The following SLC19A1 variants were observed in gnomAD, a reference collection of about 807,000 sequenced individuals.
The protein encoded by SLC19A1 is solute carrier family 19 member 1.
A neutral mutation model predicts 35.3 loss-of-function variants in SLC19A1; 37 were observed. The ratio of observed to expected loss-of-function variants is 1.05; its 90% confidence interval spans 0.81 to 1.38. The LOEUF (loss-of-function observed/expected upper bound fraction) is 1.38, where lower values mean the gene tolerates loss of function less well. Ranked by LOEUF, SLC19A1 falls within the 40% of genes most tolerant of loss-of-function variation. The probability of loss-of-function intolerance (pLI) is 0.00; values close to 1 mark genes in which losing one functional copy is unlikely to be tolerated. For missense variants in SLC19A1, 831 were observed against 826.9 expected (o/e 1.00, Z -0.06); for synonymous variants, 460 against 398.5 (o/e 1.15, Z -1.84).
chr21:45,543,375 A>C (rs951051927), upstream of SLC19A1, among the ~76,000 whole-genome samples: 5 of 152,230 alleles, frequency 3.3e-5, no homozygotes, highest in African/African-American at 1.2e-4. Context: ...AGGAGGAGCC[A>C]GGAAGTCCAC....
chr21:45,512,603 G>GACATT lies in SLC19A1; in HGVS notation c.*3050_*3054dup, dbSNP rs1218825388. ...AAGTTTAAAACAGAAGCCTGATGCTGACATTCACCTGCCCCAACTCTCCCC... is the reference window on the plus strand; with the variant it reads ...AAGTTTAAAACAGAAGCCTGATGCTGACATTACATTCACCTGCCCCAACTCTCCCC... On this transcript the variant is annotated 3_prime_UTR_variant, in exon 6 of 6. Transcript: ENST00000311124. 1.6e-6 allele frequency: 1 copy of GACATT among 617,150 alleles called. No homozygotes were observed. The highest frequency in any genetic ancestry group is 2.8e-6 in the Non-Finnish European group (1 of 352,146). 38.2% of individuals were successfully genotyped at this position (617,150 alleles called of 1,614,324 possible).
intron 4 of SLC19A1, among the ~76,000 whole-genome samples, chr21:45,529,544 T>C (rs958026437): frequency 6.6e-6 from 1 of 152,016 alleles, no homozygotes; most frequent in East Asian, 1.9e-4. Flanking sequence ...TGTGTCAGTG[T>C]GTGTGGTCTG....
intron 1 of SLC19A1, among the ~76,000 whole-genome samples, chr21:45,542,155 CT>C (rs2078329352): frequency 1.5e-5 from 2 of 134,418 alleles, no homozygotes; most frequent in Admixed American, 1.4e-4. Flanking sequence ...GCCCCGCACC[CT>C]CCCCAGGGCC....
At chr21:45,511,990 G>A (rs375818547), downstream of SLC19A1, among the ~76,000 whole-genome samples, 3 of 152,148 alleles carry the variant, frequency 2.0e-5, no homozygotes, top group Non-Finnish European at 2.9e-5. Flanking sequence ...AGCAGCATGG[G>A]GGGCAGTCTG....
chr21:45,559,834 C>T (rs996887786), intron 1 of SLC19A1, among the ~76,000 whole-genome samples: 1 of 152,200 alleles, frequency 6.6e-6, no homozygotes, highest in Non-Finnish European at 1.5e-5. Flanking sequence ...GTCAAAATGG[C>T]CCCCAGTGTG....
intron 1 of SLC19A1, among the ~76,000 whole-genome samples, chr21:45,551,901 T>G (rs1055356734): frequency 1.3e-5 from 2 of 152,182 alleles, no homozygotes; most frequent in African/African-American, 4.8e-5. Flanking sequence ...TCCCTGCATG[T>G]CCACGCCTTT....
chr21:45,507,731 C>T (rs1230112055), downstream of SLC19A1: 35 of 826,914 alleles, frequency 4.2e-5, no homozygotes, highest in South Asian at 2.2e-4. Context: ...GCCCCTGCTG[C>T]AGAAACTGGT....
downstream of SLC19A1, among the ~76,000 whole-genome samples, chr21:45,508,424 G>A (rs1037822042): frequency 6.7e-6 from 1 of 149,622 alleles, no homozygotes; most frequent in Admixed American, 6.6e-5. Context: ...GGATGAATGG[G>A]TGGATGGATG....
intron 3 of SLC19A1, chr21:45,506,637 C>T (rs7278425): frequency 0.18 from 31,050 of 169,318 alleles, 2,968 homozygotes; most frequent in African/African-American, 0.22. Context: ...CCCATGCCGC[C>T]GAAACGGCCT....
chr21:45,542,895 G>T (rs761412720), upstream of SLC19A1, among the ~76,000 whole-genome samples: 7 of 152,000 alleles, frequency 4.6e-5, no homozygotes, highest in Non-Finnish European at 8.8e-5. Flanking sequence ...CTGGATCCGG[G>T]ACGCGGGTCG....
Position 45,534,501 on chromosome 21 carries a change from GA to G in SLC19A1, c.190-2354del. On this transcript the variant is annotated intron_variant, in intron 2 of 5. Transcript: ENST00000311124. This position sits in a 1 kb window ranked among gnomAD's most constrained non-coding sequence, Gnocchi z 4.2. Reference sequence around the variant, plus strand: ...TCTCCCCAGACCCCACGGCTCTCTGGAAAAGGGCGGCCAGGGGTCCTAGAAG... The same window carrying G: ...TCTCCCCAGACCCCACGGCTCTCTGGAAAGGGCGGCCAGGGGTCCTAGAAG... The G allele has an allele frequency of 6.7e-7, 1 of 1,484,222 alleles. No individual in the cohort carries two copies. The highest frequency in any genetic ancestry group is 9.1e-7 in the Non-Finnish European group (1 of 1,100,062). 91.9% of individuals were successfully genotyped at this position (1,484,222 alleles called of 1,614,324 possible).
chr21:45,515,601 G>T lies in SLC19A1; in HGVS notation c.*57C>A. The T allele has an allele frequency of 6.2e-7, 1 of 1,605,874 alleles. No homozygotes were observed. The highest frequency in any genetic ancestry group is 8.5e-7 in the Non-Finnish European group (1 of 1,178,524). The stretch of plus-strand genomic sequence containing the variant: ...CTAAGGCAGGCGGCCCTCGAGGCAG[G>T]GGTCGTGGGGATGCACTGAGGGCCG... On this transcript the variant is annotated 3_prime_UTR_variant, in exon 6 of 6. Coordinates refer to ENST00000311124, the MANE Select transcript of SLC19A1 (RefSeq NM_194255.4).
At chr21:45,512,418 G>A, downstream of SLC19A1, 2 of 1,608,942 alleles carry the variant, frequency 1.2e-6, no homozygotes, top group Non-Finnish European at 1.7e-6. Flanking sequence ...GGATGCGGAT[G>A]GCCGGAGAGG....
chr21:45,526,684 G>A (rs776903033), intron 4 of SLC19A1, among the ~76,000 whole-genome samples: 1 of 152,214 alleles, frequency 6.6e-6, no homozygotes, highest in Non-Finnish European at 1.5e-5. Context: ...CAATTCTCCT[G>A]TCTCAGCCTT....
chr21:45,538,223 C>CA (rs1348047067), intron 1 of SLC19A1, among the ~76,000 whole-genome samples: 1 of 152,234 alleles, frequency 6.6e-6, no homozygotes, highest in African/African-American at 2.4e-5. Flanking sequence ...AGGCTGTCAC[C>CA]ACCTCCAGGG....
At chr21:45,518,598 A>T (rs186713785) in intron 5 of SLC19A1, among the ~76,000 whole-genome samples, 32 of 152,324 alleles carry the variant, frequency 2.1e-4, no homozygotes, top group Middle Eastern at 6.8e-3. Flanking sequence ...AATAAAGAAA[A>T]AATCTTGGAA....
chr21:45,512,817 C>A lies in SLC19A1; in HGVS notation c.*2841G>T, dbSNP rs2037689219. 2 of 289,646 alleles carry A rather than the reference C, an allele frequency of 6.9e-6. No individual in the cohort carries two copies. Among genetic ancestry groups the A allele is most frequent in the South Asian group, 6.7e-5 (2 of 29,954 alleles). The allele number at this position is 289,646 out of a possible 1,614,324, so 17.9% of individuals were successfully genotyped here. A position where few individuals can be genotyped will look rare whatever the true frequency, so the allele number is the denominator to read the frequency against. Reference sequence around the variant, plus strand: ...TGTGCACAAAACCCAGACCTGTTAGCAGACAGGCCCCGTGAGGCAATGGGA... The same window carrying A: ...TGTGCACAAAACCCAGACCTGTTAGAAGACAGGCCCCGTGAGGCAATGGGA... On this transcript the variant is annotated 3_prime_UTR_variant, in exon 6 of 6. Transcript: ENST00000311124.
rs760329850 is a variant in SLC19A1 at position 45,504,468 on chromosome 21, C to T, written c.498-5856G>A. 1.9e-6 allele frequency: 3 copies of T among 1,609,458 alleles called. No individual in the cohort carries two copies. In the East Asian group the frequency reaches 6.7e-5, roughly 36 times the overall value. On this transcript the variant is annotated intron_variant, in intron 3 of 4. Coordinates refer to the SLC19A1 transcript ENST00000417954. ...GGACAGAAAGGCGAAAGGGGGGAGCCCGGGGGCGGCGGTTTCTTCGGCTCC... is the reference window on the plus strand; with the variant it reads ...GGACAGAAAGGCGAAAGGGGGGAGCTCGGGGGCGGCGGTTTCTTCGGCTCC...
downstream of SLC19A1, among the ~76,000 whole-genome samples, chr21:45,511,762 G>A (rs1461424902): frequency 6.6e-6 from 1 of 152,210 alleles, no homozygotes; most frequent in African/African-American, 2.4e-5. Context: ...CTGGCCATCT[G>A]CTGTAACGGA....
Sources: gnomAD v4.1 joint callset for allele counts (sites outside exome capture counted in the v4.1 genomes callset) on GRCh38, gnomAD v4.1.1 for gene constraint, Gnocchi (gnomAD v3.1) non-coding constraint, MANE v1.5 for transcripts, NCBI Gene and HGNC (gene_info 2026-07-23, HGNC 2026-07-21) for gene names.